Variants in SHOC1 observed in about 807,000 individuals in gnomAD.
SHOC1 encodes protein shortage in chiasmata 1 ortholog.
In SHOC1, 136 loss-of-function variants were observed where a neutral mutation model predicts 179.2. The ratio of observed to expected loss-of-function variants is 0.76; its 90% CI spans 0.66 to 0.87. SHOC1 has a LOEUF of 0.87. Among genes scored for constraint, SHOC1 ranks in the 40% least tolerant of loss-of-function variants. The pLI is 0.00. For synonymous variants in SHOC1, 489 were observed against 586.6 expected, an observed-to-expected ratio of 0.83 and a Z score of 2.41; for missense variants, 1,538 against 1,700.8, an observed-to-expected ratio of 0.90 and a Z score of 1.68.
intron 2 of SHOC1, among the ~76,000 whole-genome samples, chr9:111,787,136 C>T (rs984700142): frequency 6.6e-6 from 1 of 152,176 alleles, no homozygotes; most frequent in Non-Finnish European, 1.5e-5. Context: ...TGATAATGCA[C>T]CTGGCCACCC....
Position 111,705,351 on chromosome 9 carries a change from C to T in SHOC1, c.2751G>A (p.Leu917=). The change falls in exon 21 of 28, where the codon CTG becomes CTA. Residue 917 remains leucine (L), a synonymous_variant. Coordinates refer to ENST00000682961, the MANE Select transcript of SHOC1 (RefSeq NM_001378211.1). ...CCAAAAGAAAACCTCCAAATCTATC[C>T]AGCAAGGTGCTTCCTAAATAAGAGA... The part of the protein sequence containing the change: ...PDTVLERSTL[L]DRFGGFLLEI... 2.0e-6 allele frequency: 3 copies of T among 1,521,114 alleles called. No individual in the cohort carries two copies. The highest frequency in any genetic ancestry group is 4.9e-5 in the East Asian group (2 of 40,918). The allele number at this position is 1,521,114 out of a possible 1,614,324, so 94.2% of individuals were successfully genotyped here.
chr9:111,722,570 G>T lies in SHOC1; in HGVS notation c.1970C>A (p.Ala657Glu), dbSNP rs1179852800. 6.2e-7 allele frequency: 1 copy of T among 1,602,048 alleles called. No individual in the cohort carries two copies. Among genetic ancestry groups the T allele is most frequent in the Non-Finnish European group, 8.5e-7 (1 of 1,177,550 alleles). ...EIQASDSQCQ[A>E]FCLLEAAASP... ...AGCTGCTGCTTCGAGGAGGCAAAAT[G>T]CTTGGCACTGGCTATCTGCAAAAAT... The change falls in exon 15 of 28, where the codon GCA becomes GAA. Residue 657 changes from alanine to glutamate, a missense_variant. Ala to Glu is a moderately radical substitution (Grantham distance 107). Transcript: ENST00000682961.
chr9:111,747,321 AGAT>A (rs1221962741), intron 9 of SHOC1, among the ~76,000 whole-genome samples: 4 of 152,192 alleles, frequency 2.6e-5, no homozygotes, highest in Admixed American at 2.6e-4. Flanking sequence ...CTGGAACAAA[AGAT>A]GATTCTAAGA....
intron 9 of SHOC1, among the ~76,000 whole-genome samples, chr9:111,747,853 G>A (rs891631519): frequency 6.6e-6 from 1 of 152,058 alleles, no homozygotes; most frequent in Non-Finnish European, 1.5e-5. Flanking sequence ...CCAAAGTGCT[G>A]GGATTACAGG....
Position 111,786,004 on chromosome 9 carries a change from G to T in SHOC1, c.77C>A (p.Ala26Asp). ...NVVRKKFYRDALLLRIPSCLY... is the reference protein window; with the variant it reads ...NVVRKKFYRDDLLLRIPSCLY... ...ACATGAAGGGATTCGAAGCAATAAAGCATCTCTGTAAAACTTCTTTCTAAC... is the reference window on the plus strand; with the variant it reads ...ACATGAAGGGATTCGAAGCAATAAATCATCTCTGTAAAACTTCTTTCTAAC... The change falls in exon 3 of 28, where the codon GCT becomes GAT. Residue 26 changes from alanine (A) to aspartate (D), a missense_variant. Transcript: ENST00000682961. 1 of 1,516,230 alleles carries T rather than the reference G, an allele frequency of 6.6e-7. No homozygotes were observed. The allele number at this position is 1,516,230 out of a possible 1,614,324, so 93.9% of individuals were successfully genotyped here.
At chr9:111,704,496 T>A (rs1183071581) in intron 21 of SHOC1, among the ~76,000 whole-genome samples, 2 of 152,180 alleles carry the variant, frequency 1.3e-5, no homozygotes, top group Admixed American at 1.3e-4. Flanking sequence ...GAACCTCTCA[T>A]CTCAGCCTCC....
At chr9:111,747,130 T>A (rs933070598) in intron 9 of SHOC1, among the ~76,000 whole-genome samples, 5 of 152,184 alleles carry the variant, frequency 3.3e-5, no homozygotes, top group African/African-American at 9.6e-5. Flanking sequence ...CACAAAATTA[T>A]ATATCTATAG....
intron 22 of SHOC1, among the ~76,000 whole-genome samples, chr9:111,703,014 A>G (rs892500410): frequency 3.3e-5 from 5 of 152,044 alleles, no homozygotes; most frequent in African/African-American, 1.2e-4. Flanking sequence ...GGAGGCTGAG[A>G]TAGGAGGATC....
chr9:111,737,217 T>TA (rs1206873469), intron 12 of SHOC1, among the ~76,000 whole-genome samples: 3 of 152,142 alleles, frequency 2.0e-5, no homozygotes, highest in South Asian at 2.1e-4. Context: ...GGGTATATGT[T>TA]AAAAAAATCG....
chr9:111,702,005 G>A (rs569924824), intron 23 of SHOC1, 100 bp downstream of exon 23: 3 of 837,536 alleles, frequency 3.6e-6, no homozygotes, highest in Non-Finnish European at 5.4e-6. Context: ...AAGCAAACTA[G>A]ATGAGCATGC....
chr9:111,695,610 T>C (rs1831653332), intron 24 of SHOC1, among the ~76,000 whole-genome samples: 1 of 152,204 alleles, frequency 6.6e-6, no homozygotes, highest in Non-Finnish European at 1.5e-5. Flanking sequence ...ATATAAAAAC[T>C]GTGCTTGGAG....
chr9:111,788,220 A>C (rs1015926475), intron 2 of SHOC1, among the ~76,000 whole-genome samples: 1 of 128,426 alleles, frequency 7.8e-6, no homozygotes, highest in Admixed American at 8.6e-5. Flanking sequence ...AAACACAAAA[A>C]CAAAAAAATG....
At chr9:111,722,132 A>G (rs930490245) in intron 15 of SHOC1, among the ~76,000 whole-genome samples, 3 of 152,214 alleles carry the variant, frequency 2.0e-5, no homozygotes, top group Non-Finnish European at 4.4e-5. Flanking sequence ...ATATGCTGAC[A>G]ATAATAAAGT....
At chr9:111,740,983 G>A (rs1040946040) in intron 11 of SHOC1, among the ~76,000 whole-genome samples, 2 of 152,090 alleles carry the variant, frequency 1.3e-5, no homozygotes, top group African/African-American at 2.4e-5. Flanking sequence ...CGCCTCCCAG[G>A]TTTTCAAGTG....
chr9:111,732,772 G>A (rs1833641503), intron 12 of SHOC1, among the ~76,000 whole-genome samples: 1 of 152,188 alleles, frequency 6.6e-6, no homozygotes, highest in Non-Finnish European at 1.5e-5. Flanking sequence ...TAGTGAGGAG[G>A]AGAGGTGGGA....
Position 111,686,391 on chromosome 9 carries a change from T to G in SHOC1, c.*379A>C, listed in dbSNP as rs1831161768. 6.5e-6 allele frequency: 1 copy of G among 153,248 alleles called. No individual in the cohort carries two copies. The highest frequency in any genetic ancestry group is 6.5e-5 in the Admixed American group (1 of 15,316). 9.5% of individuals were successfully genotyped at this position (153,248 alleles called of 1,614,324 possible). ...GTTTACAGAAAATGATACTTTAAGT[T>G]GGAAGTTTTCTAACTTCAATTTTGT... On this transcript the variant is annotated 3_prime_UTR_variant, in exon 28 of 28. Coordinates refer to ENST00000682961, the MANE Select transcript of SHOC1 (RefSeq NM_001378211.1).
At chr9:111,748,041 A>G in intron 9 of SHOC1, 51 bp downstream of exon 9, 1 of 1,234,132 alleles carries the variant, frequency 8.1e-7, no homozygotes, top group South Asian at 1.2e-5. Flanking sequence ...GTACTTTTAC[A>G]TCATAAATAG....
At chr9:111,789,368 CTT>C (rs1236683165) in intron 2 of SHOC1, among the ~76,000 whole-genome samples, 1 of 152,028 alleles carries the variant, frequency 6.6e-6, no homozygotes, top group African/African-American at 2.4e-5. Flanking sequence ...ATAAATATTA[CTT>C]TTTGTTATAA....
chr9:111,751,126 G>A (rs1834564198), intron 8 of SHOC1, among the ~76,000 whole-genome samples: 1 of 152,202 alleles, frequency 6.6e-6, no homozygotes, highest in South Asian at 2.1e-4. Flanking sequence ...GCTTGTTTTT[G>A]TCAGTTTTGT....
Sources: gnomAD v4.1 joint callset for allele counts (sites outside exome capture counted in the v4.1 genomes callset) on GRCh38, gnomAD v4.1.1 for gene constraint, MANE v1.5 for transcripts, NCBI Gene and HGNC (gene_info 2026-07-23, HGNC 2026-07-21) for gene names.